ZNF469: variants seen among roughly 807,000 people sequenced by gnomAD.
ZNF469 encodes zinc finger protein 469.
ZNF469 carries 1 observed loss-of-function variant against 1.0 expected under a neutral mutation model. The observed-to-expected ratio is 1.00, with a 90% CI of 0.35 to 4.73. ZNF469 has a LOEUF of 4.73. ZNF469 is among the 30% of genes most tolerant of loss of function. ZNF469 has a pLI of 0.16. For synonymous variants in ZNF469, 2,703 were observed against 2,363.4 expected, an observed-to-expected ratio of 1.14 and a Z score of -4.17; for missense variants, 6,100 against 5,356.3, an observed-to-expected ratio of 1.14 and a Z score of -4.33.
the ZNF469 span, among the ~76,000 whole-genome samples, chr16:88,104,014 C>T: frequency 3.3e-5 from 5 of 151,996 alleles, no homozygotes; most frequent in African/African-American, 7.3e-5. Context: ...GTTTGAGGAA[C>T]GGGGGTTGCC....
the ZNF469 span, among the ~76,000 whole-genome samples, chr16:88,227,540 C>G: frequency 6.9e-6 from 1 of 144,148 alleles, no homozygotes; most frequent in Non-Finnish European, 1.5e-5. Context: ...ATCTCCCCGT[C>G]TCCCCTTCTC....
chr16:88,421,509 T>C (rs1905456010), intron 1 of ZNF469, among the ~76,000 whole-genome samples: 1 of 152,072 alleles, frequency 6.6e-6, no homozygotes, highest in Non-Finnish European at 1.5e-5. Context: ...CTCCAAGGAC[T>C]GGGACGCGTC....
the ZNF469 span, among the ~76,000 whole-genome samples, chr16:88,353,962 G>A: frequency 1.3e-5 from 2 of 152,198 alleles, no homozygotes; most frequent in Admixed American, 6.5e-5. Context: ...CACATCCGCC[G>A]TGAGGGGTGA....
chr16:88,342,768 T>C, the ZNF469 span, among the ~76,000 whole-genome samples: 1 of 152,182 alleles, frequency 6.6e-6, no homozygotes, highest in South Asian at 2.1e-4. Context: ...CGTGCATAAG[T>C]GTAAGACTCT....
the ZNF469 span, among the ~76,000 whole-genome samples, chr16:88,210,605 T>A: frequency 6.6e-6 from 1 of 152,246 alleles, no homozygotes; most frequent in East Asian, 1.9e-4. Flanking sequence ...TTTTTATGTA[T>A]AGTATGAGAT....
the ZNF469 span, among the ~76,000 whole-genome samples, chr16:88,334,432 A>T: frequency 1.3e-5 from 2 of 152,108 alleles, no homozygotes; most frequent in Non-Finnish European, 2.9e-5. Flanking sequence ...CAGCATCTGA[A>T]ATCAGACATG....
chr16:88,149,520 G>T, the ZNF469 span, among the ~76,000 whole-genome samples: 1 of 152,176 alleles, frequency 6.6e-6, no homozygotes, highest in Non-Finnish European at 1.5e-5. Context: ...TGCTTCTCCT[G>T]ACACCCTTTG....
chr16:88,117,661 A>G, the ZNF469 span, among the ~76,000 whole-genome samples: 150,105 of 150,388 alleles, frequency 1, 74,911 homozygotes, highest in Middle Eastern at 1. Flanking sequence ...TGTCTTCACA[A>G]ACCGTGGAGG....
At chr16:88,139,597 G>A in the ZNF469 span, among the ~76,000 whole-genome samples, 1 of 151,476 alleles carries the variant, frequency 6.6e-6, no homozygotes, top group Non-Finnish European at 1.5e-5. Context: ...CTGGGGACGT[G>A]ATGAAGAAAA....
chr16:88,142,599 C>T, the ZNF469 span, among the ~76,000 whole-genome samples: 1 of 152,200 alleles, frequency 6.6e-6, no homozygotes, highest in Non-Finnish European at 1.5e-5. Flanking sequence ...AGAATGGCTT[C>T]TGTTTACTGA....
the ZNF469 span, among the ~76,000 whole-genome samples, chr16:88,318,531 C>G: frequency 2.6e-5 from 4 of 151,846 alleles, no homozygotes; most frequent in African/African-American, 9.7e-5. Flanking sequence ...GTCAGGGAGA[C>G]GCGGTGGCCC....
At chr16:88,243,555 G>A in the ZNF469 span, among the ~76,000 whole-genome samples, 4 of 152,174 alleles carry the variant, frequency 2.6e-5, no homozygotes, top group Non-Finnish European at 5.9e-5. Flanking sequence ...TCCCAGGCGA[G>A]CAGAGGGAGT....
chr16:88,314,591 G>A, the ZNF469 span, among the ~76,000 whole-genome samples: 1 of 151,748 alleles, frequency 6.6e-6, no homozygotes, highest in Admixed American at 6.6e-5. Context: ...TGCTGCTGTG[G>A]ACTGTCATCT....
the ZNF469 span, among the ~76,000 whole-genome samples, chr16:88,145,794 G>T: frequency 1.1e-4 from 16 of 152,354 alleles, no homozygotes; most frequent in Non-Finnish European, 1.8e-4. Context: ...AGGATGCTTG[G>T]GAGATGGACG....
chr16:88,223,065 C>T, the ZNF469 span, among the ~76,000 whole-genome samples: 2 of 152,222 alleles, frequency 1.3e-5, no homozygotes, highest in African/African-American at 4.8e-5. Context: ...CCAGCAGTGG[C>T]ATTTGTGAGA....
chr16:88,360,045 T>G, the ZNF469 span, among the ~76,000 whole-genome samples: 1 of 152,212 alleles, frequency 6.6e-6, no homozygotes, highest in Non-Finnish European at 1.5e-5. Flanking sequence ...TTAGTAGAGA[T>G]GGGGTTTCAT....
the ZNF469 span, among the ~76,000 whole-genome samples, chr16:88,265,560 G>A: frequency 1.5e-3 from 221 of 152,352 alleles, no homozygotes; most frequent in African/African-American, 5.0e-3. Context: ...CAGTAAAGGA[G>A]TGCGTGCAGC....
rs1425103221 is a variant in ZNF469 at position 88,429,702 on chromosome 16, G to A, written c.2232G>A (p.Ala744=). 6 of 1,542,586 alleles carry A rather than the reference G, an allele frequency of 3.9e-6. No individual in the cohort carries two copies. The highest frequency in any genetic ancestry group is 3.6e-5 in the South Asian group (3 of 83,794). Residue 744 remains alanine (A), a synonymous_variant, in exon 3 of 3, where the codon GCG becomes GCA. Coordinates refer to ENST00000565624, the MANE Select transcript of ZNF469 (RefSeq NM_001367624.2). ...GTGACCGCAACTACAGCAGCCTGGC[G>A]GCCTTCCTGGCCCACCGGCAGTTCT... ...RQCDRNYSSL[A]AFLAHRQFCG...
the ZNF469 span, among the ~76,000 whole-genome samples, chr16:88,295,878 G>A: frequency 6.6e-6 from 1 of 152,210 alleles, no homozygotes; most frequent in South Asian, 2.1e-4. Context: ...ATATGTCTGA[G>A]GTCTCAACCT....
Sources: gnomAD v4.1 joint callset for allele counts (sites outside exome capture counted in the v4.1 genomes callset) on GRCh38, gnomAD v4.1.1 for gene constraint, MANE v1.5 for transcripts, NCBI Gene and HGNC (gene_info 2026-07-23, HGNC 2026-07-21) for gene names.